Variants in KCNQ5 observed in about 807,000 individuals in gnomAD.
The protein encoded by KCNQ5 is potassium voltage-gated channel subfamily KQT member 5.
A neutral mutation model predicts 98.2 loss-of-function variants in KCNQ5; 30 were observed. The observed-to-expected ratio is 0.31, with a 90% CI of 0.23 to 0.41. KCNQ5 has a LOEUF of 0.41. Ranked by LOEUF, KCNQ5 falls within the 10% of genes least tolerant of loss-of-function variation. KCNQ5 has a pLI of 1.00. For missense variants in KCNQ5, 835 were observed against 1,182.5 expected, an observed-to-expected ratio of 0.71 and a Z score of 4.31; for synonymous variants, 458 against 449.4, an observed-to-expected ratio of 1.02 and a Z score of -0.24.
At chr6:72,836,974 ATATTG>A (rs1776533132) in intron 1 of KCNQ5, among the ~76,000 whole-genome samples, 2 of 152,126 alleles carry the variant, frequency 1.3e-5, no homozygotes, top group African/African-American at 2.4e-5. Flanking sequence ...TTAACTTAAT[ATATTG>A]TATTTCCTGC....
intron 2 of KCNQ5, among the ~76,000 whole-genome samples, chr6:73,004,596 A>G (rs2150323640): frequency 6.6e-6 from 1 of 152,332 alleles, no homozygotes; most frequent in South Asian, 2.1e-4. Flanking sequence ...TCACTTTAAA[A>G]TGGAAAAAGA....
In KCNQ5 at chr6:72,825,682, G is replaced by T. The variant is rs144203591; in HGVS notation, c.399-178226G>T. Among the ~76,000 whole-genome samples the T allele has an allele frequency of 5.4e-3, 825 of 152,286 alleles. 6 individuals carry two copies. The highest frequency in any genetic ancestry group is 0.017 in the African/African-American group (724 of 41,576). On this transcript the variant is annotated intron_variant, in intron 1 of 13. Transcript: ENST00000370398. ...GGCCTTGGAGAAGCTGAGCTTGGGA[G>T]CAGGCTCACTTGCCTGGGGAAGGGA... is the stretch of plus-strand genomic sequence containing the variant.
chr6:72,937,944 A>G (rs889951103), intron 1 of KCNQ5, among the ~76,000 whole-genome samples: 2 of 152,206 alleles, frequency 1.3e-5, no homozygotes, highest in Non-Finnish European at 2.9e-5. Context: ...AAAAGGCTTT[A>G]TAACTTACAA....
chr6:72,684,421 C>G (rs561140470), intron 1 of KCNQ5, among the ~76,000 whole-genome samples: 31 of 152,310 alleles, frequency 2.0e-4, no homozygotes, highest in African/African-American at 7.5e-4. Context: ...ACTATTTTGC[C>G]TGGAAATCTC....
intron 1 of KCNQ5, among the ~76,000 whole-genome samples, chr6:72,812,437 A>T (rs961498686): frequency 1.3e-5 from 2 of 152,212 alleles, no homozygotes; most frequent in African/African-American, 4.8e-5. Context: ...ATCATATTGT[A>T]CAGGGAGCCC....
intron 1 of KCNQ5, among the ~76,000 whole-genome samples, chr6:72,668,894 C>A (rs935496873): frequency 6.6e-6 from 1 of 151,780 alleles, no homozygotes; most frequent in Non-Finnish European, 1.5e-5. Context: ...TATGGCCAGG[C>A]CCTAAAGACC....
At chr6:73,166,201 G>C (rs1001622806) in intron 10 of KCNQ5, among the ~76,000 whole-genome samples, 1 of 152,066 alleles carries the variant, frequency 6.6e-6, no homozygotes, top group Admixed American at 6.5e-5. Flanking sequence ...GGGAGGCCAA[G>C]GCAGGTAGAT....
intron 8 of KCNQ5, among the ~76,000 whole-genome samples, chr6:73,122,792 C>A (rs984931431): frequency 1.3e-5 from 2 of 152,156 alleles, no homozygotes; most frequent in African/African-American, 4.8e-5. Flanking sequence ...CAATACTTTG[C>A]CTACAATTTT....
intron 1 of KCNQ5, among the ~76,000 whole-genome samples, chr6:72,641,966 T>A (rs2098927424): frequency 6.6e-6 from 1 of 151,778 alleles, no homozygotes; most frequent in Admixed American, 6.6e-5. Context: ...TTTTTGAATA[T>A]CTACAATCTT....
intron 1 of KCNQ5, among the ~76,000 whole-genome samples, chr6:72,861,288 A>G (rs1034921287): frequency 1.3e-5 from 2 of 149,612 alleles, no homozygotes; most frequent in Non-Finnish European, 3.0e-5. Flanking sequence ...CAAATACAGA[A>G]AATAAACCTC....
chr6:72,795,184 A>T (rs565001560), intron 1 of KCNQ5, among the ~76,000 whole-genome samples: 1 of 152,294 alleles, frequency 6.6e-6, no homozygotes, highest in South Asian at 2.1e-4. Context: ...TGCGTGTCTT[A>T]TTGAACCAAC....
At chr6:72,661,521 T>C (rs1264129070) in intron 1 of KCNQ5, among the ~76,000 whole-genome samples, 2 of 152,268 alleles carry the variant, frequency 1.3e-5, no homozygotes, top group East Asian at 1.9e-4. Flanking sequence ...AGATTTTTTT[T>C]CCCCATAGGA....
chr6:72,750,848 C>A (rs1019772741), intron 1 of KCNQ5, among the ~76,000 whole-genome samples: 8 of 151,920 alleles, frequency 5.3e-5, no homozygotes, highest in Admixed American at 6.6e-5. Context: ...ATGATAGTGA[C>A]CTTAAAAAGG....
chr6:72,856,583 C>T (rs972864454), intron 1 of KCNQ5, among the ~76,000 whole-genome samples: 2 of 152,042 alleles, frequency 1.3e-5, no homozygotes, highest in African/African-American at 4.8e-5. Context: ...TTTATGACTC[C>T]TCTGCCCCAT....
At chr6:72,973,468 T>C (rs534599133) in intron 1 of KCNQ5, among the ~76,000 whole-genome samples, 1 of 152,268 alleles carries the variant, frequency 6.6e-6, no homozygotes, top group African/African-American at 2.4e-5. Flanking sequence ...TGAATTATTA[T>C]GGAAAATAAT....
intron 1 of KCNQ5, among the ~76,000 whole-genome samples, chr6:72,933,498 C>T (rs1292604747): frequency 2.0e-5 from 3 of 152,130 alleles, no homozygotes; most frequent in Non-Finnish European, 2.9e-5. Flanking sequence ...TTGCTTCTAA[C>T]CATATCGTGT....
chr6:72,952,869 C>T (rs1011649470), intron 1 of KCNQ5, among the ~76,000 whole-genome samples: 8 of 152,168 alleles, frequency 5.3e-5, no homozygotes, highest in Admixed American at 4.6e-4. Flanking sequence ...ATAATTACCT[C>T]AATTTTGTTG....
intron 1 of KCNQ5, among the ~76,000 whole-genome samples, chr6:72,732,492 G>C (rs914458889): frequency 6.6e-6 from 1 of 152,176 alleles, no homozygotes; most frequent in Admixed American, 6.5e-5. Flanking sequence ...AGTCTAGCAA[G>C]TGAAAGAGAG....
At chr6:72,635,722 G>A (rs936114714) in intron 1 of KCNQ5, among the ~76,000 whole-genome samples, 9 of 108,946 alleles carry the variant, frequency 8.3e-5, no homozygotes, top group African/African-American at 3.3e-4. Context: ...CTACCTTTCT[G>A]GAATGGTGTT....
Sources: gnomAD v4.1 joint callset for allele counts (sites outside exome capture counted in the v4.1 genomes callset) on GRCh38, gnomAD v4.1.1 for gene constraint, MANE v1.5 for transcripts, NCBI Gene and HGNC (gene_info 2026-07-23, HGNC 2026-07-21) for gene names.